DNAH12: variants seen among roughly 807,000 people sequenced by gnomAD.
The protein encoded by DNAH12 is axonemal beta dynein heavy chain 12.
DNAH12 carries 285 observed loss-of-function variants against 371.5 expected under a neutral mutation model. The observed-to-expected ratio is 0.77, with a 90% CI of 0.70 to 0.85. The LOEUF is 0.85. Ranked by LOEUF, DNAH12 falls within the 40% of genes least tolerant of loss-of-function variation. DNAH12 has a pLI of 0.00. For missense variants in DNAH12, 3,611 were observed against 3,689.4 expected, an observed-to-expected ratio of 0.98 and a Z score of 0.55; for synonymous variants, 1,200 against 1,213.0, an observed-to-expected ratio of 0.99 and a Z score of 0.22.
intron 45 of DNAH12, among the ~76,000 whole-genome samples, chr3:57,388,693 G>A (rs2063546278): frequency 1.3e-5 from 2 of 151,960 alleles, no homozygotes; most frequent in Admixed American, 1.3e-4. Flanking sequence ...AGAAAATGTG[G>A]CATATATACA....
At chr3:57,438,916 G>GAAAAAAAAAAAAAA (rs1417929912) in intron 29 of DNAH12, among the ~76,000 whole-genome samples, 1 of 8,952 alleles carries the variant, frequency 1.1e-4, no homozygotes, top group Non-Finnish European at 2.5e-4. Flanking sequence ...CTCTGTCTCA[G>GAAAAAAAAAAAAAA]ACAAAAAAAA....
Position 57,471,500 on chromosome 3 carries a change from T to G in DNAH12, c.1883A>C (p.Glu628Ala). 1.3e-6 allele frequency: 2 copies of G among 1,547,884 alleles called. No individual in the cohort carries two copies. The highest frequency in any genetic ancestry group is 1.7e-6 in the Non-Finnish European group (2 of 1,146,400). Residue 628 changes from glutamate (E) to alanine (A), a missense_variant, in exon 15 of 74, where the codon GAA (glutamate) becomes GCA (alanine). This residue lies in a region of DNAH12 where 1,314 missense variants were observed against 1,398.7 expected (regional missense o/e 0.94). Transcript: ENST00000495027. ...KESRRMEEFT[E>A]FAELERMQQY... Reference sequence around the variant, plus strand: ...TTGCATGCGCTCCAGCTCTGCAAATTCTGTAAACTCCTCCATGCGGCGTGA... The same window carrying G: ...TTGCATGCGCTCCAGCTCTGCAAATGCTGTAAACTCCTCCATGCGGCGTGA...
intron 43 of DNAH12, among the ~76,000 whole-genome samples, chr3:57,394,721 G>A (rs938606340): frequency 1.1e-3 from 164 of 152,300 alleles, no homozygotes; most frequent in African/African-American, 3.8e-3. Flanking sequence ...TGAGCCTGCT[G>A]GAGAAGGAAG....
At chr3:57,371,658 T>A (rs902679438) in intron 55 of DNAH12, among the ~76,000 whole-genome samples, 9 of 111,498 alleles carry the variant, frequency 8.1e-5, no homozygotes, top group African/African-American at 2.8e-4. Flanking sequence ...GAGACCCCCA[T>A]CTCAAAACAC....
chr3:57,468,549 C>A, intron 17 of DNAH12, 187 bp downstream of exon 17: 1 of 296,588 alleles, frequency 3.4e-6, no homozygotes, highest in Non-Finnish European at 5.9e-6. Flanking sequence ...CAGGAGGTGG[C>A]AGTGGCAGTG....
chr3:57,385,486 C>A (rs1460918737), intron 47 of DNAH12, 57 bp from the exon 48 acceptor site: 2 of 152,272 alleles, frequency 1.3e-5, no homozygotes, highest in East Asian at 3.9e-4. Flanking sequence ...GCTATTGAAA[C>A]CAAATGCAGA....
In DNAH12 at chr3:57,333,329, C is replaced by CTTTTTTTTTTTTTTTTTTTTTTTTTTTTT. The variant is rs34135477; in HGVS notation, c.9978+1135_9978+1136insAAAAAAAAAAAAAAAAAAAAAAAAAAAAA. 1.6e-4 allele frequency among the ~76,000 whole-genome samples: 18 copies of CTTTTTTTTTTTTTTTTTTTTTTTTTTTTT among 111,078 alleles called. 1 individual carries two copies. Among genetic ancestry groups the CTTTTTTTTTTTTTTTTTTTTTTTTTTTTT allele is most frequent in the African/African-American group, 7.3e-4 (16 of 21,912 alleles). The allele number at this position is 111,078 out of a possible 152,430, so 72.9% of individuals were successfully genotyped here. A position where few individuals can be genotyped will look rare whatever the true frequency, so the allele number is the denominator to read the frequency against. ...CGGATACATGTTCTTTTTAAGGCAA[C>CTTTTTTTTTTTTTTTTTTTTTTTTTTTTT]TTTTTTTTTTTTTTTTTTTTAGATG... On this transcript the variant is annotated intron_variant, in intron 62 of 73. Coordinates refer to ENST00000495027, the MANE Select transcript of DNAH12 (RefSeq NM_001366028.2).
intron 34 of DNAH12, 24 bp downstream of exon 34, chr3:57,428,609 T>G: frequency 6.6e-7 from 1 of 1,514,638 alleles, no homozygotes; most frequent in Non-Finnish European, 8.8e-7. Flanking sequence ...GAAACTTGAA[T>G]AGGTCAGAGA....
At chr3:57,451,998 T>G (rs1030055035) in intron 25 of DNAH12, among the ~76,000 whole-genome samples, 16 of 152,168 alleles carry the variant, frequency 1.1e-4, no homozygotes, top group Admixed American at 3.3e-4. Flanking sequence ...TGGGCCTCCT[T>G]GAAGTGTGCT....
Position 57,309,704 on chromosome 3 carries a change from G to T in DNAH12, c.11047C>A (p.Gln3683Lys). ...KQTGASGSTDQILLEITKDIL... is the reference protein window; with the variant it reads ...KQTGASGSTDKILLEITKDIL... ...TCTTTGGTAATTTCTAACAGAATCT[G>T]ATCAGTACTTCCTGAGGCTCCTGTC... Residue 3683 changes from glutamine to lysine, a missense_variant, in exon 68 of 74, where the codon CAG becomes AAG. This residue lies in a region of DNAH12 where 2,266 missense variants were observed against 2,236.9 expected (regional missense o/e 1.01). Transcript: ENST00000495027. 1.3e-6 allele frequency: 2 copies of T among 1,544,876 alleles called. No individual in the cohort carries two copies. The highest frequency in any genetic ancestry group is 1.2e-5 in the South Asian group (1 of 82,118).
chr3:57,346,655 G>A (rs1156605837), intron 60 of DNAH12, among the ~76,000 whole-genome samples: 4 of 152,130 alleles, frequency 2.6e-5, no homozygotes, highest in Admixed American at 1.3e-4. Context: ...TCAATTAAAA[G>A]ACAGGTTGTC....
intron 40 of DNAH12, among the ~76,000 whole-genome samples, chr3:57,407,700 G>A (rs1553681727): frequency 6.6e-6 from 1 of 152,124 alleles, no homozygotes; most frequent in African/African-American, 2.4e-5. Context: ...TCTAGTCTTT[G>A]AACAGAGGCA....
chr3:57,405,710 G>A lies in DNAH12; in HGVS notation c.6519C>T (p.Asp2173=). 6.4e-7 allele frequency: 1 copy of A among 1,551,588 alleles called. No individual in the cohort carries two copies. The highest frequency in any genetic ancestry group is 1.2e-5 in the South Asian group (1 of 84,060). The change falls in exon 41 of 74, where the codon GAC becomes GAT. Residue 2173 remains aspartate, a synonymous_variant. Coordinates refer to ENST00000495027, the MANE Select transcript of DNAH12 (RefSeq NM_001366028.2). ...LFQLTKTVIK[D]HFKESFHSIF... is the part of the protein sequence containing the mutation. ...TACTGTGAAATGATTCTTTAAAATG[G>A]TCCTTTATAACAGTTTTAGTTAACT...
chr3:57,309,757 A>G lies in DNAH12; in HGVS notation c.10994T>C (p.Leu3665Ser). ...LQQTKTLFES[L>S]LLTQGGSKQT... The stretch of plus-strand genomic sequence containing the variant: ...TTTGGAGCCTCCCTGGGTGAGGAGC[A>G]AGGACTCAAAGAGGGTTTTTGTTTG... Residue 3665 changes from leucine (L) to serine (S), a missense_variant, in exon 68 of 74, where the codon TTG becomes TCG. Leu to Ser is a moderately radical substitution (Grantham distance 145). This residue lies in a region of DNAH12 where 2,266 missense variants were observed against 2,236.9 expected (regional missense o/e 1.01). Transcript: ENST00000495027. 1.3e-6 allele frequency: 2 copies of G among 1,551,470 alleles called. No homozygotes were observed. The highest frequency in any genetic ancestry group is 1.7e-6 in the Non-Finnish European group (2 of 1,146,896).
In DNAH12 at chr3:57,501,428, CTAAT is replaced by C; in HGVS notation, c.1244-20_1244-17del. The C allele has an allele frequency of 1.9e-6, 3 of 1,562,080 alleles. No homozygotes were observed. The highest frequency in any genetic ancestry group is 2.6e-6 in the Non-Finnish European group (3 of 1,154,750). ...TATTTTTCAACTGAAAATTAATAAT[CTAAT>C]TAAAATCTCAATAATACCCTTTTTA... On this transcript the variant is annotated splice_polypyrimidine_tract_variant and intron_variant, in intron 10 of 73. Coordinates refer to ENST00000495027, the MANE Select transcript of DNAH12 (RefSeq NM_001366028.2).
intron 65 of DNAH12, among the ~76,000 whole-genome samples, chr3:57,317,491 T>C (rs901241154): frequency 6.6e-6 from 1 of 152,202 alleles, no homozygotes; most frequent in African/African-American, 2.4e-5. Context: ...GTGACTGGCT[T>C]AGTTCACTTA....
intron 58 of DNAH12, among the ~76,000 whole-genome samples, chr3:57,362,146 G>C (rs1253251069): frequency 6.6e-6 from 1 of 152,020 alleles, no homozygotes; most frequent in Admixed American, 6.6e-5. Flanking sequence ...AGTTTGCTCA[G>C]AATGATGGTT....
Position 57,405,147 on chromosome 3 carries a change from C to A in DNAH12, c.6577G>T (p.Val2193Leu). The A allele has an allele frequency of 6.6e-7, 1 of 1,509,044 alleles. No homozygotes were observed. The highest frequency in any genetic ancestry group is 2.6e-5 in the Admixed American group (1 of 38,646). The allele number at this position is 1,509,044 out of a possible 1,614,324, so 93.5% of individuals were successfully genotyped here. A position where few individuals can be genotyped will look rare whatever the true frequency, so the allele number is the denominator to read the frequency against. The change falls in exon 42 of 74, where the codon GTA (valine) becomes TTA (leucine). Residue 2193 changes from valine (V) to leucine (L), a missense_variant and splice_region_variant. By Grantham distance (32) the Val-to-Leu change is conservative. Around this residue, in one of 3 missense-constraint regions of DNAH12, gnomAD observed 2,266 missense variants for 2,236.9 expected, o/e 1.01. Transcript: ENST00000495027. ...FSHLRKQNAP[V>L]TEEDLRNLMF... ...AGATTTCTTAAGTCTTCTTCAGTTA[C>A]CTATAGAAAGGAAATCAACAAATTT...
At position 57,386,598 on chromosome 3, in the gene DNAH12, A is replaced by G. The variant is rs1242630275; in HGVS notation, c.7445T>C (p.Leu2482Ser). ...TSIMDLSERF[L>S]HELGRHNYVT... is the part of the protein sequence containing the mutation. Reference sequence around the variant, plus strand: ...ATAGTTATGTCGTCCTAACTCATGCAAGAACCTAAAAGAGAGGCAGGTAAC... The same window carrying G: ...ATAGTTATGTCGTCCTAACTCATGCGAGAACCTAAAAGAGAGGCAGGTAAC... Residue 2482 changes from leucine (L) to serine (S), a missense_variant, in exon 47 of 74, where the codon TTG becomes TCG. This residue lies in a region of DNAH12 where 2,266 missense variants were observed against 2,236.9 expected (regional missense o/e 1.01). Transcript: ENST00000495027. The G allele has an allele frequency of 2.0e-5, 3 of 152,238 alleles. No individual in the cohort carries two copies. Among genetic ancestry groups the G allele is most frequent in the African/African-American group, 7.2e-5 (3 of 41,474 alleles). 9.4% of individuals were successfully genotyped at this position (152,238 alleles called of 1,614,324 possible). A position where few individuals can be genotyped will look rare whatever the true frequency, so the allele number is the denominator to read the frequency against.
Sources: gnomAD v4.1 joint callset for allele counts (sites outside exome capture counted in the v4.1 genomes callset) on GRCh38, gnomAD v4.1.1 for gene constraint, gnomAD v4.1.1 regional missense constraint, MANE v1.5 for transcripts, NCBI Gene and HGNC (gene_info 2026-07-23, HGNC 2026-07-21) for gene names.